Variants in PDGFD observed in about 807,000 individuals in gnomAD.
PDGFD encodes platelet-derived growth factor D.
Under a neutral mutation model 44.7 loss-of-function variants are expected in PDGFD, and 30 were observed. The ratio of observed to expected loss-of-function variants is 0.67; its 90% confidence interval spans 0.50 to 0.91. The LOEUF (loss-of-function observed/expected upper bound fraction) is 0.91. Ranked by LOEUF, PDGFD falls within the 40% of genes least tolerant of loss-of-function variation. The pLI is 0.00. For synonymous variants in PDGFD, 173 were observed against 168.4 expected (o/e 1.03, Z -0.21); for missense variants, 445 against 457.8 (o/e 0.97, Z 0.25).
At chr11:103,954,352 T>C (rs952395117) in intron 3 of PDGFD, among the ~76,000 whole-genome samples, 3 of 152,130 alleles carry the variant, frequency 2.0e-5, no homozygotes, top group South Asian at 2.1e-4. Flanking sequence ...CTAGAGACTC[T>C]TGTCCTTTAA....
At chr11:104,086,979 T>C (rs534536258) in intron 1 of PDGFD, among the ~76,000 whole-genome samples, 62 of 151,568 alleles carry the variant, frequency 4.1e-4, no homozygotes, top group East Asian at 1.8e-3. Flanking sequence ...ACTCAATTGA[T>C]TGAAAGAAAG....
intron 6 of PDGFD, among the ~76,000 whole-genome samples, chr11:103,918,444 T>C (rs1203739492): frequency 1.3e-5 from 2 of 152,212 alleles, no homozygotes; most frequent in East Asian, 3.8e-4. Flanking sequence ...TAAAGAAGAC[T>C]GTTATCAAGG....
intron 3 of PDGFD, among the ~76,000 whole-genome samples, chr11:103,977,070 G>A (rs987006723): frequency 3.9e-5 from 6 of 151,922 alleles, no homozygotes; most frequent in Non-Finnish European, 7.4e-5. Context: ...ACACCTCTAC[G>A]CAAATAAACT....
chr11:104,119,141 A>G lies in PDGFD; in HGVS notation c.124+44663T>C, dbSNP rs1315236586. ...AATATATTGATATAATATATAATAT[A>G]TTAATATAATATATTGATATAACAT... On this transcript the variant is annotated intron_variant, in intron 1 of 6. Transcript: ENST00000393158. Among the ~76,000 whole-genome samples, 67 of 24,002 alleles carry G rather than the reference A, an allele frequency of 2.8e-3. 17 individuals are homozygous for G. The highest frequency in any genetic ancestry group is 5.1e-3 in the Admixed American group (5 of 980). 15.7% of individuals were successfully genotyped at this position (24,002 alleles called of 152,430 possible). A position where few individuals can be genotyped will look rare whatever the true frequency, so the allele number is the denominator to read the frequency against.
intron 6 of PDGFD, among the ~76,000 whole-genome samples, chr11:103,924,107 C>G (rs1397986605): frequency 1.3e-5 from 2 of 152,130 alleles, no homozygotes; most frequent in Non-Finnish European, 2.9e-5. Context: ...GGCTGGGAGG[C>G]AAGGGTCTTT....
intron 1 of PDGFD, among the ~76,000 whole-genome samples, chr11:104,012,040 T>C (rs1411850557): frequency 1.3e-5 from 2 of 152,120 alleles, no homozygotes; most frequent in Non-Finnish European, 2.9e-5. Context: ...AGTAAACCTA[T>C]GAAAGATTAA....
At chr11:104,036,188 C>T (rs1860228813) in intron 1 of PDGFD, among the ~76,000 whole-genome samples, 1 of 152,078 alleles carries the variant, frequency 6.6e-6, no homozygotes, top group Admixed American at 6.5e-5. Context: ...CCTGTAATTC[C>T]AGCACTTTGG....
At chr11:104,022,924 T>C (rs2134383685) in intron 1 of PDGFD, among the ~76,000 whole-genome samples, 1 of 152,204 alleles carries the variant, frequency 6.6e-6, no homozygotes, top group Non-Finnish European at 1.5e-5. Context: ...TTTGTTTTTT[T>C]TCCTGAAAGG....
chr11:104,000,196 C>T lies in PDGFD; in HGVS notation c.184G>A (p.Gly62Ser), dbSNP rs559027638. 34 of 1,613,994 alleles carry T rather than the reference C, an allele frequency of 2.1e-5. No homozygotes were observed. The highest frequency in any genetic ancestry group is 5.3e-5 in the African/African-American group (4 of 74,998). The stretch of plus-strand genomic sequence containing the variant: ...GGGAATCTAGGACTCTGCACGTAGC[C>T]GTTTCCTTTCACCTGGATGGTCTCA... ...RDETIQVKGNGYVQSPRFPNS... is the reference protein window; with the variant it reads ...RDETIQVKGNSYVQSPRFPNS... The change falls in exon 2 of 7, where the codon GGC becomes AGC. Residue 62 changes from glycine to serine, a missense_variant. Coordinates refer to ENST00000393158, the MANE Select transcript of PDGFD (RefSeq NM_025208.5).
intron 1 of PDGFD, chr11:104,037,241 T>C (rs1240811330): frequency 1.2e-6 from 2 of 1,613,706 alleles, no homozygotes; most frequent in East Asian, 2.2e-5. Flanking sequence ...CTGCAAGGTC[T>C]GGGCAGCCCC....
At chr11:103,949,565 CAG>C (rs1307587286) in intron 3 of PDGFD, among the ~76,000 whole-genome samples, 1 of 152,184 alleles carries the variant, frequency 6.6e-6, no homozygotes, top group Non-Finnish European at 1.5e-5. Context: ...ATGGTAATGA[CAG>C]GAGCAATCCT....
intron 1 of PDGFD, among the ~76,000 whole-genome samples, chr11:104,134,171 G>C (rs1262137333): frequency 6.6e-6 from 1 of 151,848 alleles, no homozygotes; most frequent in Admixed American, 6.6e-5. Context: ...AAATATTTAG[G>C]GGTCACAAAC....
chr11:104,054,607 A>T (rs538059080), intron 1 of PDGFD, among the ~76,000 whole-genome samples: 1 of 152,340 alleles, frequency 6.6e-6, no homozygotes, highest in African/African-American at 2.4e-5. Context: ...TTTGAGTAGA[A>T]GGGGAGAAAA....
At chr11:104,014,278 C>G (rs1364330478) in intron 1 of PDGFD, among the ~76,000 whole-genome samples, 1 of 152,158 alleles carries the variant, frequency 6.6e-6, no homozygotes, top group Admixed American at 6.6e-5. Context: ...AGGAGGATAG[C>G]TTAGGCTAGG....
intron 3 of PDGFD, among the ~76,000 whole-genome samples, chr11:103,995,072 G>A (rs937886056): frequency 1.1e-4 from 16 of 151,802 alleles, no homozygotes; most frequent in African/African-American, 3.9e-4. Context: ...GTAGAGATAG[G>A]GTCTTGCTTT....
intron 1 of PDGFD, among the ~76,000 whole-genome samples, chr11:104,056,832 A>G (rs547892951): frequency 6.6e-6 from 1 of 152,256 alleles, no homozygotes; most frequent in Non-Finnish European, 1.5e-5. Context: ...AACATTTCCA[A>G]TATCATAAAA....
At chr11:103,983,422 C>T (rs533532640) in intron 3 of PDGFD, among the ~76,000 whole-genome samples, 24 of 151,016 alleles carry the variant, frequency 1.6e-4, no homozygotes, top group African/African-American at 4.9e-4. Flanking sequence ...AATTAACTCA[C>T]GATGGATTAA....
intron 1 of PDGFD, among the ~76,000 whole-genome samples, chr11:104,073,108 T>TGTGATTATC (rs1208994014): frequency 1.3e-5 from 2 of 152,072 alleles, no homozygotes; most frequent in African/African-American, 4.8e-5. Flanking sequence ...GATGATATAA[T>TGTGATTATC]GTGATTATCT....
intron 1 of PDGFD, among the ~76,000 whole-genome samples, chr11:104,099,674 A>G (rs1371299741): frequency 6.9e-6 from 1 of 145,356 alleles, no homozygotes; most frequent in African/African-American, 2.5e-5. Flanking sequence ...AATAATAATA[A>G]TAAATCAAAC....
Sources: gnomAD v4.1 joint callset for allele counts (sites outside exome capture counted in the v4.1 genomes callset) on GRCh38, gnomAD v4.1.1 for gene constraint, MANE v1.5 for transcripts, NCBI Gene and HGNC (gene_info 2026-07-23, HGNC 2026-07-21) for gene names.